Variants in FGD3 observed in about 807,000 individuals in gnomAD.
FGD3 encodes FYVE, RhoGEF and PH domain-containing protein 3.
Under a neutral mutation model 71.8 loss-of-function variants are expected in FGD3, and 45 were observed. That is an observed-to-expected ratio of 0.63 (90% CI 0.49 to 0.80). The LOEUF is 0.80. Among genes scored for constraint, FGD3 ranks in the 30% least tolerant of loss-of-function variants. The pLI, the probability that FGD3 is intolerant of heterozygous loss-of-function variation, is 0.00. For synonymous variants in FGD3, 378 were observed against 392.8 expected (o/e 0.96, Z 0.44); for missense variants, 844 against 951.5 (o/e 0.89, Z 1.49).
At chr9:93,016,169 T>C (rs1861677043) in intron 10 of FGD3, among the ~76,000 whole-genome samples, 1 of 151,960 alleles carries the variant, frequency 6.6e-6, no homozygotes, top group African/African-American at 2.4e-5. Flanking sequence ...GGGGCCCTAT[T>C]TACAAACCCA....
chr9:92,985,720 C>T lies in FGD3; in HGVS notation c.453+9011C>T, dbSNP rs1052112679. On this transcript the variant is annotated intron_variant, in intron 3 of 17. Transcript: ENST00000375482. ...CTCAAACTCCTCACCTCAGGTGATC[C>T]ACCCACCTCAACCTCCCAAAGTGCT... is the stretch of plus-strand genomic sequence containing the variant. 5.9e-5 allele frequency among the ~76,000 whole-genome samples: 9 copies of T among 152,098 alleles called. No individual in the cohort carries two copies. In the South Asian group the frequency reaches 6.2e-4, roughly 11 times the overall value.
At chr9:93,001,334 G>A (rs75339342) in intron 3 of FGD3, among the ~76,000 whole-genome samples, 224 of 151,954 alleles carry the variant, frequency 1.5e-3, no homozygotes, top group African/African-American at 5.0e-3. Context: ...TTGTTCCTTT[G>A]ATTGGGCTAC....
intron 3 of FGD3, among the ~76,000 whole-genome samples, chr9:92,979,247 C>T (rs1295288329): frequency 6.6e-6 from 1 of 152,130 alleles, no homozygotes; most frequent in Admixed American, 6.6e-5. Flanking sequence ...GTGGGCTTCT[C>T]ATATATGAGC....
chr9:93,031,158 T>C (rs1587874647), intron 15 of FGD3, among the ~76,000 whole-genome samples: 1 of 152,230 alleles, frequency 6.6e-6, no homozygotes, highest in Admixed American at 6.5e-5. Context: ...GGCAGGCAAG[T>C]GGGAAATGTG....
At chr9:92,985,349 G>A (rs1442613396) in intron 3 of FGD3, among the ~76,000 whole-genome samples, 2 of 152,216 alleles carry the variant, frequency 1.3e-5, no homozygotes, top group Non-Finnish European at 2.9e-5. Context: ...AAAGACTGAG[G>A]AGGTGACTTT....
At chr9:92,990,732 G>A (rs1052709945) in intron 3 of FGD3, among the ~76,000 whole-genome samples, 1 of 152,202 alleles carries the variant, frequency 6.6e-6, no homozygotes, top group Admixed American at 6.5e-5. Flanking sequence ...TTATTGATTT[G>A]TGTATATGGA....
At chr9:93,008,204 C>T (rs755242970) in intron 6 of FGD3, among the ~76,000 whole-genome samples, 5 of 152,098 alleles carry the variant, frequency 3.3e-5, no homozygotes, top group South Asian at 2.1e-4. Flanking sequence ...TTGCAGACAC[C>T]GTAACCCTTT....
rs960694517 is a variant in FGD3, at chr9:92,990,958, C to T, written c.454-11967C>T. Among the ~76,000 whole-genome samples, 11 of 152,220 alleles carry T rather than the reference C, an allele frequency of 7.2e-5. 1 individual carries two copies. The highest frequency in any genetic ancestry group is 4.1e-4 in the South Asian group (2 of 4,822). Reference sequence around the variant, plus strand: ...AAAATGAGTTAGGAAGAATTTCCTCCGATTCAATTTTTTGGAATAGTTTGA... The same window carrying T: ...AAAATGAGTTAGGAAGAATTTCCTCTGATTCAATTTTTTGGAATAGTTTGA... On this transcript the variant is annotated intron_variant, in intron 3 of 17. Coordinates refer to ENST00000375482, the MANE Select transcript of FGD3 (RefSeq NM_001083536.2).
At chr9:92,970,886 C>T (rs1050373255) in intron 1 of FGD3, among the ~76,000 whole-genome samples, 1 of 152,262 alleles carries the variant, frequency 6.6e-6, no homozygotes, top group African/African-American at 2.4e-5. Context: ...AAGCCTTTGG[C>T]CGCAGAGGGG....
At chr9:92,970,079 C>G (rs1219234300) in intron 1 of FGD3, among the ~76,000 whole-genome samples, 1 of 152,158 alleles carries the variant, frequency 6.6e-6, no homozygotes, top group Admixed American at 6.5e-5. Context: ...ATACAGAGAA[C>G]TGACCTCGGC....
chr9:92,952,050 T>C (rs762407316), intron 1 of FGD3, among the ~76,000 whole-genome samples: 1 of 152,094 alleles, frequency 6.6e-6, no homozygotes, highest in Non-Finnish European at 1.5e-5. Flanking sequence ...AAACAAACTA[T>C]GCTGCATAAG....
chr9:92,966,729 C>A (rs1204169989), intron 1 of FGD3, among the ~76,000 whole-genome samples: 1 of 152,158 alleles, frequency 6.6e-6, no homozygotes, highest in Non-Finnish European at 1.5e-5. Flanking sequence ...AGCTCCGCAG[C>A]CTCAGAAAGG....
Position 93,013,724 on chromosome 9 carries a change from C to T in FGD3, c.1036-128C>T, listed in dbSNP as rs533838075. 218 of 1,168,366 alleles carry T rather than the reference C, an allele frequency of 1.9e-4. 3 individuals carry two copies. In the East Asian group the frequency reaches 5.1e-3, roughly 27 times the overall value. The allele number at this position is 1,168,366 out of a possible 1,614,324, so 72.4% of individuals were successfully genotyped here. A position where few individuals can be genotyped will look rare whatever the true frequency, so the allele number is the denominator to read the frequency against. On this transcript the variant is annotated intron_variant, in intron 8 of 17. Coordinates refer to ENST00000375482, the MANE Select transcript of FGD3 (RefSeq NM_001083536.2). Reference sequence around the variant, plus strand: ...TCAAACATCACTCTGTTTTCCCTCCCACCCTTGTCAGTAGCTCATTGCCCT... The same window carrying T: ...TCAAACATCACTCTGTTTTCCCTCCTACCCTTGTCAGTAGCTCATTGCCCT...
chr9:93,014,231 CA>C (rs1861565331), intron 9 of FGD3, among the ~76,000 whole-genome samples: 1 of 151,800 alleles, frequency 6.6e-6, no homozygotes. Flanking sequence ...CCATTTGCTG[CA>C]AATATCTCAT....
intron 3 of FGD3, among the ~76,000 whole-genome samples, chr9:92,996,027 G>T (rs1401528864): frequency 6.6e-6 from 1 of 152,096 alleles, no homozygotes; most frequent in African/African-American, 2.4e-5. Context: ...TTTTTCTATT[G>T]ATTGGAATAG....
At chr9:92,972,537 A>G (rs1381042698) in intron 1 of FGD3, among the ~76,000 whole-genome samples, 1 of 152,066 alleles carries the variant, frequency 6.6e-6, no homozygotes, top group Non-Finnish European at 1.5e-5. Flanking sequence ...TGTTTGTAGA[A>G]TTCACCAGTG....
intron 11 of FGD3, 53 bp downstream of exon 11, chr9:93,018,268 C>A: frequency 6.7e-7 from 1 of 1,483,046 alleles, no homozygotes; most frequent in Non-Finnish European, 9.4e-7. Flanking sequence ...TCTTCTTTTT[C>A]TAAACTGGTT....
intron 3 of FGD3, among the ~76,000 whole-genome samples, chr9:92,990,668 T>G (rs1189832617): frequency 6.6e-6 from 1 of 152,272 alleles, no homozygotes; most frequent in Non-Finnish European, 1.5e-5. Context: ...TCAGCATATA[T>G]TAAAATGATC....
chr9:93,006,717 T>C (rs2118713963), intron 6 of FGD3, among the ~76,000 whole-genome samples: 1 of 152,118 alleles, frequency 6.6e-6, no homozygotes, highest in South Asian at 2.1e-4. Flanking sequence ...CCATTGATCT[T>C]TTATTTTTTT....
Sources: allele counts gnomAD v4.1 joint callset (sites outside exome capture counted in the v4.1 genomes callset), GRCh38; gene constraint gnomAD v4.1.1; transcripts MANE v1.5; gene names NCBI Gene and HGNC (gene_info 2026-07-23, HGNC 2026-07-21).